The following VAPA variants were observed in gnomAD, a reference collection of about 807,000 sequenced individuals.
The protein encoded by VAPA is VAMP associated protein A.
A neutral mutation model predicts 25.6 loss-of-function variants in VAPA; 6 were observed. That is an observed-to-expected ratio of 0.23 (90% CI 0.13 to 0.46). VAPA has a LOEUF of 0.46. Ranked by LOEUF, VAPA falls within the 20% of genes least tolerant of loss-of-function variation. The probability of loss-of-function intolerance (pLI) is 0.99; values close to 1 mark genes in which losing one functional copy is unlikely to be tolerated. For synonymous variants in VAPA, 112 were observed against 106.2 expected (o/e 1.05, Z -0.34); for missense variants, 244 against 302.1 (o/e 0.81, Z 1.43).
At chr18:9,953,193 A>G (rs1400237660) in intron 5 of VAPA, among the ~76,000 whole-genome samples, 3 of 152,194 alleles carry the variant, frequency 2.0e-5, no homozygotes, top group Non-Finnish European at 4.4e-5. Context: ...CTCTAAAGAC[A>G]TAGTGCTGTG....
At position 9,955,900 on chromosome 18, in the gene VAPA, CT is replaced by C. The variant is rs141822627; in HGVS notation, c.*1690del. 9,105 of 152,226 alleles carry C rather than the reference CT, an allele frequency of 0.06. 307 individuals carry two copies. The highest frequency in any genetic ancestry group is 0.099 in the Middle Eastern group (29 of 294). The allele number at this position is 152,226 out of a possible 1,614,324, so 9.4% of individuals were successfully genotyped here. On this transcript the variant is annotated 3_prime_UTR_variant, in exon 6 of 6. Coordinates refer to ENST00000400000, the MANE Select transcript of VAPA (RefSeq NM_194434.3). ...CTTTACTGTCTTTGTAAAAATCCCC[CT>C]CTCCCCTTTTCTGGTAACTGGAAAA...
At chr18:9,942,336 G>A (rs2069374032) in intron 4 of VAPA, among the ~76,000 whole-genome samples, 1 of 152,038 alleles carries the variant, frequency 6.6e-6, no homozygotes, top group Non-Finnish European at 1.5e-5. Context: ...GAAAAATTTG[G>A]TTAGTGTTCA....
rs1260485696 is a variant in VAPA at position 9,959,898 on chromosome 18, C to T, written c.*5687C>T. 6.6e-6 allele frequency: 1 copy of T among 151,814 alleles called. No individual in the cohort carries two copies. Among genetic ancestry groups the T allele is most frequent in the East Asian group, 1.9e-4 (1 of 5,186 alleles). 9.4% of individuals were successfully genotyped at this position (151,814 alleles called of 1,614,324 possible). ...TGCTGTTTTAATTCAAAATGTATAT[C>T]CTTAATTGTATATAATATGTAGATA... On this transcript the variant is annotated 3_prime_UTR_variant, in exon 6 of 6. Coordinates refer to ENST00000400000, the MANE Select transcript of VAPA (RefSeq NM_194434.3).
chr18:9,938,671 AT>A (rs2069335862), intron 4 of VAPA, among the ~76,000 whole-genome samples: 1 of 152,256 alleles, frequency 6.6e-6, no homozygotes, highest in Non-Finnish European at 1.5e-5. Flanking sequence ...TTTAGAGAAT[AT>A]CTGAGTCTGA....
intron 5 of VAPA, among the ~76,000 whole-genome samples, chr18:9,951,637 A>G (rs1272109846): frequency 6.6e-6 from 1 of 152,240 alleles, no homozygotes; most frequent in Non-Finnish European, 1.5e-5. Context: ...TTCAAGACCT[A>G]AATACCTATA....
At chr18:9,951,685 A>G (rs1342024427) in intron 5 of VAPA, among the ~76,000 whole-genome samples, 1 of 152,268 alleles carries the variant, frequency 6.6e-6, no homozygotes, top group African/African-American at 2.4e-5. Context: ...TCTTTGCAGC[A>G]AAGTAGATGA....
Position 9,954,635 on chromosome 18 carries a change from A to G in VAPA, c.*424A>G, listed in dbSNP as rs779191785. ...TAATCCCACTCATTCAGGAAATGCCAAGAGGTATTCCTTGGGGAAATGGTG... is the reference window on the plus strand; with the variant it reads ...TAATCCCACTCATTCAGGAAATGCCGAGAGGTATTCCTTGGGGAAATGGTG... On this transcript the variant is annotated 3_prime_UTR_variant, in exon 6 of 6. Coordinates refer to ENST00000400000, the MANE Select transcript of VAPA (RefSeq NM_194434.3). 2 of 156,056 alleles carry G rather than the reference A, an allele frequency of 1.3e-5. No individual in the cohort carries two copies. The highest frequency in any genetic ancestry group is 2.4e-5 in the African/African-American group (1 of 41,512). 9.7% of individuals were successfully genotyped at this position (156,056 alleles called of 1,614,324 possible). A position where few individuals can be genotyped will look rare whatever the true frequency, so the allele number is the denominator to read the frequency against.
At chr18:9,950,044 A>G (rs897987578) in intron 4 of VAPA, 1 of 192,652 alleles carries the variant, frequency 5.2e-6, no homozygotes, top group African/African-American at 2.4e-5. Context: ...TGTTGACGTC[A>G]TTCAGCATAC....
intron 2 of VAPA, 111 bp from the exon 3 acceptor site, chr18:9,935,999 T>TA (rs1184502740): frequency 6.1e-6 from 4 of 652,668 alleles, no homozygotes; most frequent in East Asian, 3.2e-5. Flanking sequence ...TATTGCCAGA[T>TA]ACGGTTTAAG....
intron 2 of VAPA, among the ~76,000 whole-genome samples, chr18:9,933,609 G>A (rs1567896021): frequency 6.6e-6 from 1 of 152,108 alleles, no homozygotes; most frequent in Non-Finnish European, 1.5e-5. Context: ...GTGATCTCAG[G>A]TGACTGCAAC....
chr18:9,941,992 TTTTAG>T (rs2069370704), intron 4 of VAPA, among the ~76,000 whole-genome samples: 2 of 152,168 alleles, frequency 1.3e-5, no homozygotes, highest in Non-Finnish European at 2.9e-5. Flanking sequence ...TGACCCTTTA[TTTTAG>T]TTTATTAGTA....
chr18:9,945,532 G>A (rs1327231338), intron 4 of VAPA, among the ~76,000 whole-genome samples: 1 of 151,314 alleles, frequency 6.6e-6, no homozygotes, highest in Non-Finnish European at 1.5e-5. Flanking sequence ...GCTAATTTTT[G>A]TATTTTTTTG....
intron 1 of VAPA, among the ~76,000 whole-genome samples, chr18:9,929,965 T>C (rs981224926): frequency 3.9e-5 from 6 of 152,178 alleles, no homozygotes; most frequent in African/African-American, 1.2e-4. Flanking sequence ...ACTATCTGTA[T>C]TGACAATTTA....
At chr18:9,940,619 A>G (rs916382489) in intron 4 of VAPA, among the ~76,000 whole-genome samples, 1 of 152,118 alleles carries the variant, frequency 6.6e-6, no homozygotes, top group African/African-American at 2.4e-5. Flanking sequence ...TATGTTGGGT[A>G]ATTCAAAATG....
At chr18:9,928,977 C>T (rs1048584384) in intron 1 of VAPA, among the ~76,000 whole-genome samples, 15 of 152,084 alleles carry the variant, frequency 9.9e-5, no homozygotes, top group African/African-American at 2.9e-4. Flanking sequence ...TAGGTAGATT[C>T]ATGTGAATAT....
intron 1 of VAPA, among the ~76,000 whole-genome samples, chr18:9,923,541 GAATATGTATAT>G (rs1397072182): frequency 6.6e-6 from 1 of 152,130 alleles, no homozygotes; most frequent in Non-Finnish European, 1.5e-5. Context: ...AAGTGTATAT[GAATATGTATAT>G]AATTTTAATT....
intron 5 of VAPA, 29 bp downstream of exon 5, chr18:9,950,597 A>C: frequency 6.2e-7 from 1 of 1,602,792 alleles, no homozygotes; most frequent in Non-Finnish European, 8.5e-7. Context: ...AAATAAATTG[A>C]TTGAAATGAA....
chr18:9,952,639 A>G (rs548505833), intron 5 of VAPA, among the ~76,000 whole-genome samples: 4 of 151,454 alleles, frequency 2.6e-5, no homozygotes, highest in South Asian at 2.1e-4. Flanking sequence ...CAGGCCCACC[A>G]TAATTTTTTG....
rs1354869883 is a variant in VAPA, at chr18:9,937,001, C to T, written c.352C>T (p.Pro118Ser). Residue 118 changes from proline to serine, a missense_variant, in exon 4 of 6, where the codon CCT becomes TCT. By Grantham distance (74) the Pro-to-Ser change is moderately conservative. Coordinates refer to ENST00000400000, the MANE Select transcript of VAPA (RefSeq NM_194434.3). ...DMEAVWKEAK[P>S]DELMDSKLRC... ...TTATTTTTAGTGGAAAGAGGCAAAA[C>T]CTGATGAATTAATGGATTCCAAATT... 6.2e-7 allele frequency: 1 copy of T among 1,613,532 alleles called. No homozygotes were observed. Among genetic ancestry groups the T allele is most frequent in the Non-Finnish European group, 8.5e-7 (1 of 1,179,766 alleles).
Sources: gnomAD v4.1 joint callset for allele counts (sites outside exome capture counted in the v4.1 genomes callset) on GRCh38, gnomAD v4.1.1 for gene constraint, MANE v1.5 for transcripts, NCBI Gene and HGNC (gene_info 2026-07-23, HGNC 2026-07-21) for gene names.